The following HS3ST4 variants were observed in gnomAD, a reference collection of about 807,000 sequenced individuals.
The protein encoded by HS3ST4 is heparan sulfate glucosamine 3-O-sulfotransferase 4.
In HS3ST4, 17 loss-of-function variants were observed where a neutral mutation model predicts 29.2. The observed-to-expected ratio is 0.58, with a 90% confidence interval of 0.40 to 0.87. The LOEUF (loss-of-function observed/expected upper bound fraction) is 0.87. Ranked by LOEUF, HS3ST4 falls within the 40% of genes least tolerant of loss-of-function variation. The pLI is 0.00. For missense variants in HS3ST4, 627 were observed against 634.5 expected (o/e 0.99, Z 0.13); for synonymous variants, 314 against 285.7 (o/e 1.10, Z -1.00).
chr16:26,097,823 C>G (rs1357197329), intron 1 of HS3ST4, among the ~76,000 whole-genome samples: 1 of 152,076 alleles, frequency 6.6e-6, no homozygotes, highest in African/African-American at 2.4e-5. Flanking sequence ...AAAATGTTTG[C>G]AATCTACCCA....
chr16:26,015,630 T>C (rs1417068738), intron 1 of HS3ST4, among the ~76,000 whole-genome samples: 2 of 152,228 alleles, frequency 1.3e-5, no homozygotes, highest in Admixed American at 6.5e-5. Flanking sequence ...TCTGATTGCA[T>C]GGTTGGTCTT....
In HS3ST4 at chr16:26,017,388, C is replaced by T. The variant is rs746403128; in HGVS notation, c.735-118224C>T. ...GCTCTAGGGGAAAAGTTGGAAAATG[C>T]GACATTAGGAGTGTGTGTTGGTTGA... On this transcript the variant is annotated intron_variant, in intron 1 of 1. Coordinates refer to ENST00000331351, the MANE Select transcript of HS3ST4 (RefSeq NM_006040.3). Among the ~76,000 whole-genome samples the T allele has an allele frequency of 6.4e-4, 98 of 152,186 alleles. No individual in the cohort carries two copies. The Middle Eastern group carries it at 0.01, about 16-fold the overall frequency.
chr16:25,826,661 G>A (rs1967219220), intron 1 of HS3ST4, among the ~76,000 whole-genome samples: 1 of 152,140 alleles, frequency 6.6e-6, no homozygotes, highest in African/African-American at 2.4e-5. Context: ...AAAAAAGGAA[G>A]ATAGTCTAGG....
intron 1 of HS3ST4, among the ~76,000 whole-genome samples, chr16:26,047,789 A>G (rs1024439720): frequency 1.3e-5 from 2 of 152,188 alleles, no homozygotes; most frequent in African/African-American, 4.8e-5. Flanking sequence ...TGGACCTTGG[A>G]CTCAAGAAGT....
At chr16:25,789,087 C>T (rs6497886) in intron 1 of HS3ST4, among the ~76,000 whole-genome samples, 151,662 of 152,218 alleles carry the variant, frequency 1, 75,559 homozygotes, top group East Asian at 1. Context: ...TCATGTGGGG[C>T]TGGAAGTCAA....
At chr16:26,036,631 T>A (rs1487885887) in intron 1 of HS3ST4, among the ~76,000 whole-genome samples, 1 of 152,220 alleles carries the variant, frequency 6.6e-6, no homozygotes, top group African/African-American at 2.4e-5. Flanking sequence ...TTTTTTCCTA[T>A]GCATTCCATC....
chr16:26,084,047 G>A (rs987382050), intron 1 of HS3ST4, among the ~76,000 whole-genome samples: 1 of 152,210 alleles, frequency 6.6e-6, no homozygotes, highest in African/African-American at 2.4e-5. Flanking sequence ...CTCGTGGTGA[G>A]ATGGAAGATT....
chr16:26,010,767 C>A (rs1032740934), intron 1 of HS3ST4, among the ~76,000 whole-genome samples: 4 of 152,102 alleles, frequency 2.6e-5, no homozygotes, highest in Admixed American at 6.5e-5. Context: ...ACAGAGGAGG[C>A]CATGTCTCAA....
At chr16:25,974,642 C>T (rs1250147845) in intron 1 of HS3ST4, among the ~76,000 whole-genome samples, 1 of 152,126 alleles carries the variant, frequency 6.6e-6, no homozygotes, top group East Asian at 1.9e-4. Context: ...GGAATGTATC[C>T]TCCAAGGGTA....
At chr16:25,743,940 A>G (rs1966670491) in intron 1 of HS3ST4, among the ~76,000 whole-genome samples, 2 of 152,160 alleles carry the variant, frequency 1.3e-5, no homozygotes, top group South Asian at 4.1e-4. Context: ...TCTTTATCAC[A>G]CATCTCAGTA....
In HS3ST4 at chr16:26,122,025, G is replaced by A. The variant is rs1399667926; in HGVS notation, c.735-13587G>A. ...ATCACAAAAGAGAAAAGAGTAGAAG[G>A]AGAGTTGCCAGGATGAGGACAGTGA... On this transcript the variant is annotated intron_variant, in intron 1 of 1. Coordinates refer to ENST00000331351, the MANE Select transcript of HS3ST4 (RefSeq NM_006040.3). Among the ~76,000 whole-genome samples the A allele has an allele frequency of 4.6e-5, 7 of 152,104 alleles. 1 individual carries two copies. In the South Asian group the frequency reaches 1.5e-3, roughly 32 times the overall value.
At chr16:26,103,389 C>A (rs897556513) in intron 1 of HS3ST4, among the ~76,000 whole-genome samples, 1 of 152,074 alleles carries the variant, frequency 6.6e-6, no homozygotes, top group Non-Finnish European at 1.5e-5. Context: ...CATGGAATTA[C>A]AATTCTTCTC....
chr16:26,067,946 C>T (rs991603927), intron 1 of HS3ST4, among the ~76,000 whole-genome samples: 5 of 152,218 alleles, frequency 3.3e-5, no homozygotes, highest in Middle Eastern at 3.4e-3. Context: ...ATTGTGAGGC[C>T]GTCCCAGCCG....
chr16:25,828,301 CCTCT>C (rs1196055715), intron 1 of HS3ST4, among the ~76,000 whole-genome samples: 373 of 32,894 alleles, frequency 0.011, 18 homozygotes, highest in South Asian at 0.016. Context: ...TCTTTCTTTC[CCTCT>C]CTCTCTCTCT....
At position 25,912,047 on chromosome 16, in the gene HS3ST4, C is replaced by T. The variant is rs189260679; in HGVS notation, c.734+218896C>T. 3.7e-3 allele frequency among the ~76,000 whole-genome samples: 556 copies of T among 152,236 alleles called. 2 individuals carry two copies. Among genetic ancestry groups the T allele is most frequent in the Non-Finnish European group, 6.6e-3 (451 of 68,022 alleles). On this transcript the variant is annotated intron_variant, in intron 1 of 1. Coordinates refer to ENST00000331351, the MANE Select transcript of HS3ST4 (RefSeq NM_006040.3). ...GTGGAGGCCTTGGCTAAGAGACCTG[C>T]TGATTTAGAAAGTCTCAAGTCCATC...
chr16:25,992,857 A>G (rs1161452763), intron 1 of HS3ST4, among the ~76,000 whole-genome samples: 1 of 152,242 alleles, frequency 6.6e-6, no homozygotes, highest in Non-Finnish European at 1.5e-5. Context: ...TGTATGGTGC[A>G]GGGAGTAATT....
At chr16:25,794,896 T>TAA (rs1555466044) in intron 1 of HS3ST4, among the ~76,000 whole-genome samples, 1 of 136,682 alleles carries the variant, frequency 7.3e-6, no homozygotes, top group African/African-American at 2.8e-5. Context: ...TACTCAAGAA[T>TAA]ACACACACAC....
intron 1 of HS3ST4, among the ~76,000 whole-genome samples, chr16:26,053,090 C>T (rs2141766717): frequency 6.6e-6 from 1 of 152,336 alleles, no homozygotes; most frequent in Middle Eastern, 3.4e-3. Context: ...CAAGCCCTTT[C>T]CTCTCTCTAA....
intron 1 of HS3ST4, among the ~76,000 whole-genome samples, chr16:26,127,454 A>G (rs1283037236): frequency 6.6e-6 from 1 of 152,142 alleles, no homozygotes; most frequent in African/African-American, 2.4e-5. Context: ...CTCAAAACAA[A>G]ACAAAATTCA....
Sources: allele counts gnomAD v4.1 joint callset (sites outside exome capture counted in the v4.1 genomes callset), GRCh38; gene constraint gnomAD v4.1.1; transcripts MANE v1.5; gene names NCBI Gene and HGNC (gene_info 2026-07-23, HGNC 2026-07-21).